The following RAP1B variants were observed in gnomAD, a reference collection of about 807,000 sequenced individuals.
RAP1B encodes ras-related protein Rap-1b.
A neutral mutation model predicts 27.5 loss-of-function variants in RAP1B; 1 was observed. The ratio of observed to expected loss-of-function variants is 0.04; its 90% confidence interval spans 0.01 to 0.17. RAP1B has a LOEUF of 0.17. RAP1B is among the 10% of genes least tolerant of loss of function. The pLI is 1.00. For missense variants in RAP1B, 84 were observed against 214.8 expected, an observed-to-expected ratio of 0.39 and a Z score of 3.81; for synonymous variants, 75 against 73.1, an observed-to-expected ratio of 1.03 and a Z score of -0.13.
At position 68,664,133 on chromosome 12, in the gene RAP1B, G is replaced by GT. The variant is rs1290144377; in HGVS notation, c.*4890dup. The GT allele has an allele frequency of 2.0e-5, 3 of 152,042 alleles. No homozygotes were observed. The highest frequency in any genetic ancestry group is 1.9e-4 in the East Asian group (1 of 5,198). The allele number at this position is 152,042 out of a possible 1,614,324, so 9.4% of individuals were successfully genotyped here. Reference sequence around the variant, plus strand: ...TTTAGTATTTGGGTCAAAATGCAGGGTTTTTTCCTGAAAACAAAACAGCAC... The same window carrying GT: ...TTTAGTATTTGGGTCAAAATGCAGGGTTTTTTTCCTGAAAACAAAACAGCAC... On this transcript the variant is annotated 3_prime_UTR_variant, in exon 8 of 8. Transcript: ENST00000250559.
At chr12:68,641,995 C>T (rs1873042295) in intron 1 of RAP1B, among the ~76,000 whole-genome samples, 1 of 152,128 alleles carries the variant, frequency 6.6e-6, no homozygotes, top group South Asian at 2.1e-4. Context: ...GATGAAGTAT[C>T]GTATAGTTGC....
At chr12:68,632,203 T>G (rs1872318777) in intron 1 of RAP1B, among the ~76,000 whole-genome samples, 1 of 146,572 alleles carries the variant, frequency 6.8e-6, no homozygotes, top group Non-Finnish European at 1.5e-5. Context: ...GCAGCCACGG[T>G]CTCAGCTCAC....
In RAP1B at chr12:68,669,921, ATTTCTTTTTC is replaced by A. The variant is rs1875011280; in HGVS notation, c.*10682_*10691del. On this transcript the variant is annotated 3_prime_UTR_variant, in exon 8 of 8. Coordinates refer to ENST00000250559, the MANE Select transcript of RAP1B (RefSeq NM_001010942.3). Reference sequence around the variant, plus strand: ...TGACGTTTATACGTGACAAAAATATATTTCTTTTTCTTTCTTTTTTTTTTTTTTTTTTTTG... The same window carrying A: ...TGACGTTTATACGTGACAAAAATATATTTCTTTTTTTTTTTTTTTTTTTTG... The A allele has an allele frequency of 7.2e-6, 1 of 139,112 alleles. No individual in the cohort carries two copies. The highest frequency in any genetic ancestry group is 2.6e-5 in the African/African-American group (1 of 37,822). 8.6% of individuals were successfully genotyped at this position (139,112 alleles called of 1,614,324 possible).
intron 1 of RAP1B, among the ~76,000 whole-genome samples, chr12:68,637,918 G>T (rs1278288909): frequency 1.3e-5 from 2 of 151,760 alleles, no homozygotes; most frequent in Non-Finnish European, 2.9e-5. Context: ...TTTAAATATG[G>T]GTCCTTTTTT....
At chr12:68,638,942 T>C (rs989724856) in intron 1 of RAP1B, among the ~76,000 whole-genome samples, 4 of 152,226 alleles carry the variant, frequency 2.6e-5, no homozygotes, top group Admixed American at 2.6e-4. Flanking sequence ...ATTACAGACA[T>C]GAGTCACCAC....
rs1874916171 is a variant in RAP1B, at chr12:68,667,791, AG to A, written c.*8544del. On this transcript the variant is annotated 3_prime_UTR_variant, in exon 8 of 8. Coordinates refer to ENST00000250559, the MANE Select transcript of RAP1B (RefSeq NM_001010942.3). The stretch of plus-strand genomic sequence containing the variant: ...CATGACTTCATGCCTTGGATCATAC[AG>A]GATTTCAACGGGAGATTTATAAGTC... 1 of 152,228 alleles carries A rather than the reference AG, an allele frequency of 6.6e-6. No individual in the cohort carries two copies. The highest frequency in any genetic ancestry group is 1.5e-5 in the Non-Finnish European group (1 of 68,040). The allele number at this position is 152,228 out of a possible 1,614,324, so 9.4% of individuals were successfully genotyped here. A position where few individuals can be genotyped will look rare whatever the true frequency, so the allele number is the denominator to read the frequency against.
chr12:68,654,045 T>A, intron 4 of RAP1B, 67 bp from the exon 5 acceptor site: 1 of 1,342,064 alleles, frequency 7.5e-7, no homozygotes. Context: ...AATTATAGAC[T>A]GTGAAAATTG....
intron 1 of RAP1B, chr12:68,627,000 C>T: frequency 3.2e-6 from 5 of 1,555,562 alleles, no homozygotes; most frequent in Non-Finnish European, 4.4e-6. Context: ...CTTGGTGAAG[C>T]CCCACTTCTT....
chr12:68,626,938 C>T (rs1003736765), intron 1 of RAP1B: 2 of 1,538,942 alleles, frequency 1.3e-6, no homozygotes, highest in Non-Finnish European at 1.8e-6. Flanking sequence ...CGACAGCCAT[C>T]TGGGATGAGC....
At chr12:68,646,032 A>G (rs980986016) in intron 1 of RAP1B, among the ~76,000 whole-genome samples, 6 of 152,174 alleles carry the variant, frequency 3.9e-5, no homozygotes, top group Non-Finnish European at 8.8e-5. Context: ...GCAACAAATA[A>G]TAATGCTCAT....
At chr12:68,657,080 A>G in intron 6 of RAP1B, 21 bp from the exon 7 acceptor site, 1 of 1,600,932 alleles carries the variant, frequency 6.2e-7, no homozygotes, top group Non-Finnish European at 8.5e-7. Flanking sequence ...TGTAAATTAA[A>G]ACAAATTATT....
At chr12:68,622,439 C>A (rs575078515) in intron 1 of RAP1B, among the ~76,000 whole-genome samples, 1 of 152,338 alleles carries the variant, frequency 6.6e-6, no homozygotes, top group Admixed American at 6.5e-5. Flanking sequence ...ACTGCATAAT[C>A]CAGTTCTTGC....
chr12:68,635,454 A>G (rs1872563150), intron 1 of RAP1B, among the ~76,000 whole-genome samples: 1 of 152,122 alleles, frequency 6.6e-6, no homozygotes, highest in Non-Finnish European at 1.5e-5. Context: ...TTCAGGAACC[A>G]GTATTTAAGG....
intron 7 of RAP1B, 129 bp downstream of exon 7, chr12:68,657,346 C>G: frequency 1.7e-6 from 1 of 590,240 alleles, no homozygotes; most frequent in South Asian, 2.4e-5. Context: ...ATAAGATATC[C>G]ATGAGTTAGT....
In RAP1B at chr12:68,668,799, G is replaced by C. The variant is rs548949621; in HGVS notation, c.*9550G>C. The C allele has an allele frequency of 6.6e-6, 1 of 152,302 alleles. No individual in the cohort carries two copies. The highest frequency in any genetic ancestry group is 2.4e-5 in the African/African-American group (1 of 41,572). The allele number at this position is 152,302 out of a possible 1,614,324, so 9.4% of individuals were successfully genotyped here. The stretch of plus-strand genomic sequence containing the variant: ...TCAGTTATTTGGCTTGATACTGCTT[G>C]AAAGTGACATTTCTAGATTAAAGAT... On this transcript the variant is annotated 3_prime_UTR_variant, in exon 8 of 8. Transcript: ENST00000250559.
rs995024136 is a variant in RAP1B, at chr12:68,667,994, CT to C, written c.*8748del. On this transcript the variant is annotated 3_prime_UTR_variant, in exon 8 of 8. Coordinates refer to ENST00000250559, the MANE Select transcript of RAP1B (RefSeq NM_001010942.3). ...TACCACTAATTTTATTCCACCAATG[CT>C]TTCACAGAGGATGTCACCAAAGAAA... 6.6e-6 allele frequency: 1 copy of C among 152,206 alleles called. No individual in the cohort carries two copies. The highest frequency in any genetic ancestry group is 1.9e-4 in the East Asian group (1 of 5,202). 9.4% of individuals were successfully genotyped at this position (152,206 alleles called of 1,614,324 possible). A position where few individuals can be genotyped will look rare whatever the true frequency, so the allele number is the denominator to read the frequency against.
intron 1 of RAP1B, among the ~76,000 whole-genome samples, chr12:68,621,998 A>G (rs1407756763): frequency 1.3e-5 from 2 of 152,256 alleles, no homozygotes; most frequent in African/African-American, 4.8e-5. Flanking sequence ...CTGAGAACTC[A>G]GGTATTTGTT....
chr12:68,650,200 A>T, intron 2 of RAP1B, 200 bp from the exon 3 acceptor site: 1 of 397,156 alleles, frequency 2.5e-6, no homozygotes, highest in South Asian at 4.9e-5. Context: ...AATAAGGAGC[A>T]TAGTGATTAT....
chr12:68,656,400 A>G lies in RAP1B; in HGVS notation c.419A>G (p.Asn140Ser). Residue 140 changes from asparagine to serine, a missense_variant, in exon 6 of 8, where the codon AAC becomes AGC. Asn to Ser is a conservative substitution (Grantham distance 46). Transcript: ENST00000250559. ...QGQNLARQWN[N>S]CAFLESSAKS... ...CAAAATCTAGCAAGACAATGGAACA[A>G]CTGTGCATTCTTAGAATCTTCTGCA... 1 of 1,611,334 alleles carries G rather than the reference A, an allele frequency of 6.2e-7. No individual in the cohort carries two copies. The highest frequency in any genetic ancestry group is 8.5e-7 in the Non-Finnish European group (1 of 1,177,578).
Sources: gnomAD v4.1 joint callset for allele counts (sites outside exome capture counted in the v4.1 genomes callset) on GRCh38, gnomAD v4.1.1 for gene constraint, MANE v1.5 for transcripts, NCBI Gene and HGNC (gene_info 2026-07-23, HGNC 2026-07-21) for gene names.